The following DNAI7 variants were observed in gnomAD, a reference collection of about 807,000 sequenced individuals.
The protein encoded by DNAI7 is dynein axonemal intermediate chain 7.
A neutral mutation model predicts 86.6 loss-of-function variants in DNAI7; 78 were observed. The ratio of observed to expected loss-of-function variants is 0.90; its 90% confidence interval spans 0.75 to 1.09. The LOEUF (loss-of-function observed/expected upper bound fraction) is 1.09. DNAI7 is among the 50% of genes least tolerant of loss of function. The probability of loss-of-function intolerance (pLI) is 0.00; values close to 1 mark genes in which losing one functional copy is unlikely to be tolerated. For synonymous variants in DNAI7, 274 were observed against 273.0 expected, an observed-to-expected ratio of 1.00 and a Z score of -0.04; for missense variants, 753 against 810.2, an observed-to-expected ratio of 0.93 and a Z score of 0.86.
Position 25,174,536 on chromosome 12 carries a change from ATGGG to A in DNAI7, c.22-13343_22-13340del, listed in dbSNP as rs772370771. Among the ~76,000 whole-genome samples the A allele has an allele frequency of 2.3e-4, 29 of 125,112 alleles. 6 individuals are homozygous for A. The East Asian group carries it at 2.3e-3, about 10-fold the overall frequency. 82.1% of individuals were successfully genotyped at this position (125,112 alleles called of 152,430 possible). A position where few individuals can be genotyped will look rare whatever the true frequency, so the allele number is the denominator to read the frequency against. On this transcript the variant is annotated intron_variant, in intron 2 of 15. Coordinates refer to ENST00000395987, the MANE Select transcript of DNAI7 (RefSeq NM_018272.5). ...TATATATATCATATATATCATATAT[ATGGG>A]ATATATATATGATATATATATCATA... is the stretch of plus-strand genomic sequence containing the variant.
At chr12:25,142,544 A>G (rs1944337370) in intron 9 of DNAI7, among the ~76,000 whole-genome samples, 1 of 23,728 alleles carries the variant, frequency 4.2e-5, no homozygotes, top group Non-Finnish European at 3.7e-4. Context: ...ATAATTAATT[A>G]TTACTACATG....
Position 25,155,369 on chromosome 12 carries a change from A to G in DNAI7, c.242T>C (p.Leu81Ser). 3.1e-6 allele frequency: 5 copies of G among 1,608,606 alleles called. No individual in the cohort carries two copies. The highest frequency in any genetic ancestry group is 3.4e-6 in the Non-Finnish European group (4 of 1,176,510). Residue 81 changes from leucine (L) to serine (S), a missense_variant, in exon 5 of 16, where the codon TTA becomes TCA. Leu to Ser is a moderately radical substitution (Grantham distance 145, BLOSUM62 -2). Coordinates refer to ENST00000395987, the MANE Select transcript of DNAI7 (RefSeq NM_018272.5). ...RNEELEELYL[L>S]ERCFPEAEKL... ...CTCTGCTTCAGGAAAACACCTCTCTAATAAATAAAGTTCTTCAAGTTCTTC... is the reference window on the plus strand; with the variant it reads ...CTCTGCTTCAGGAAAACACCTCTCTGATAAATAAAGTTCTTCAAGTTCTTC...
intron 8 of DNAI7, among the ~76,000 whole-genome samples, chr12:25,145,015 A>G (rs1360440075): frequency 1.3e-5 from 2 of 152,088 alleles, no homozygotes; most frequent in African/African-American, 2.4e-5. Context: ...CACTCTCTGG[A>G]TATTTTTACT....
At chr12:25,122,233 G>T (rs1480783414) in intron 10 of DNAI7, among the ~76,000 whole-genome samples, 1 of 152,126 alleles carries the variant, frequency 6.6e-6, no homozygotes, top group African/African-American at 2.4e-5. Context: ...TGAGGTGGGA[G>T]AATCGCTTGA....
intron 9 of DNAI7, among the ~76,000 whole-genome samples, chr12:25,140,430 T>A (rs1172266451): frequency 6.6e-6 from 1 of 152,010 alleles, no homozygotes; most frequent in African/African-American, 2.4e-5. Context: ...AATCAAGAAC[T>A]CAGCCCCTTT....
At chr12:25,154,221 A>T (rs753213816) in intron 6 of DNAI7, 98 bp downstream of exon 6, 6 of 923,142 alleles carry the variant, frequency 6.5e-6, no homozygotes, top group Non-Finnish European at 9.6e-6. Context: ...CAAAAGCAGT[A>T]GTGTTATTAC....
chr12:25,113,396 G>A (rs1939393078), intron 13 of DNAI7, among the ~76,000 whole-genome samples: 1 of 152,036 alleles, frequency 6.6e-6, no homozygotes, highest in South Asian at 2.1e-4. Flanking sequence ...CCGCCTCCCG[G>A]GTTCAAGCGA....
At chr12:25,147,245 T>C in intron 7 of DNAI7, 141 bp from the exon 8 acceptor site, 1 of 544,330 alleles carries the variant, frequency 1.8e-6, no homozygotes, top group Non-Finnish European at 3.2e-6. Flanking sequence ...TAAGGTTCAA[T>C]CAACATGACA....
chr12:25,115,499 C>A (rs1158787014), intron 12 of DNAI7, among the ~76,000 whole-genome samples: 3 of 151,960 alleles, frequency 2.0e-5, no homozygotes, highest in African/African-American at 7.3e-5. Context: ...TAAAACACAA[C>A]CTAATTTAAA....
At chr12:25,154,492 G>C in intron 5 of DNAI7, 36 bp from the exon 6 acceptor site, 1 of 1,577,490 alleles carries the variant, frequency 6.3e-7, no homozygotes. Flanking sequence ...TCACATTGAT[G>C]AAGATTCAAC....
intron 2 of DNAI7, among the ~76,000 whole-genome samples, chr12:25,162,519 C>T (rs957986946): frequency 6.6e-6 from 1 of 152,158 alleles, no homozygotes; most frequent in African/African-American, 2.4e-5. Flanking sequence ...AGAGCACCAT[C>T]TACATTTAAG....
intron 1 of DNAI7, among the ~76,000 whole-genome samples, chr12:25,193,244 ATTAG>A (rs1950697530): frequency 6.6e-6 from 1 of 152,180 alleles, no homozygotes; most frequent in Non-Finnish European, 1.5e-5. Flanking sequence ...TGCTGATTTT[ATTAG>A]TTAAATTAAG....
chr12:25,189,410 G>T (rs1950308859), intron 2 of DNAI7, among the ~76,000 whole-genome samples: 1 of 152,174 alleles, frequency 6.6e-6, no homozygotes, highest in Non-Finnish European at 1.5e-5. Context: ...GGAGGCTGAG[G>T]CCGGCAGATC....
At chr12:25,185,857 C>A (rs73286885) in intron 2 of DNAI7, 1 of 414,866 alleles carries the variant, frequency 2.4e-6, no homozygotes, top group Non-Finnish European at 3.2e-6. Flanking sequence ...TCATTACAGT[C>A]CCATTCCTGG....
chr12:25,139,468 A>G (rs1325416005), intron 9 of DNAI7, among the ~76,000 whole-genome samples: 1 of 152,188 alleles, frequency 6.6e-6, no homozygotes, highest in Non-Finnish European at 1.5e-5. Flanking sequence ...TCAACAAAAT[A>G]TTAGCTAACC....
intron 2 of DNAI7, among the ~76,000 whole-genome samples, chr12:25,170,385 C>T (rs774375019): frequency 4.0e-5 from 6 of 148,634 alleles, no homozygotes; most frequent in Admixed American, 1.3e-4. Flanking sequence ...AGCGAGACTC[C>T]GTCTCAAAAA....
At chr12:25,141,708 C>T (rs1436542080) in intron 9 of DNAI7, among the ~76,000 whole-genome samples, 2 of 152,024 alleles carry the variant, frequency 1.3e-5, no homozygotes, top group Admixed American at 1.3e-4. Context: ...CACGTGCCGG[C>T]AATCCCAGCT....
intron 3 of DNAI7, 69 bp from the exon 4 acceptor site, chr12:25,158,632 C>A: frequency 6.5e-7 from 1 of 1,528,268 alleles, no homozygotes; most frequent in Non-Finnish European, 8.8e-7. Context: ...TAAAATTACT[C>A]CTAATATTTT....
intron 3 of DNAI7, among the ~76,000 whole-genome samples, chr12:25,160,565 T>C (rs1295885386): frequency 6.6e-6 from 1 of 152,090 alleles, no homozygotes; most frequent in Non-Finnish European, 1.5e-5. Flanking sequence ...TCGGAATTAG[T>C]TTATCCTGTG....
Sources: allele counts gnomAD v4.1 joint callset (sites outside exome capture counted in the v4.1 genomes callset), GRCh38; gene constraint gnomAD v4.1.1; transcripts MANE v1.5; gene names NCBI Gene and HGNC (gene_info 2026-07-23, HGNC 2026-07-21).